NEGR1: variants seen among roughly 807,000 people sequenced by gnomAD.
NEGR1 encodes neuronal growth regulator 1.
Under a neutral mutation model 40.9 loss-of-function variants are expected in NEGR1, and 10 were observed. The observed-to-expected ratio is 0.24, with a 90% CI of 0.15 to 0.42. The LOEUF is 0.42. Among genes scored for constraint, NEGR1 ranks in the 10% least tolerant of loss-of-function variants. The pLI is 1.00. For missense variants in NEGR1, 352 were observed against 438.9 expected, an observed-to-expected ratio of 0.80 and a Z score of 1.77; for synonymous variants, 185 against 166.8, an observed-to-expected ratio of 1.11 and a Z score of -0.84.
At chr1:71,875,988 T>C (rs1391712559) in intron 2 of NEGR1, among the ~76,000 whole-genome samples, 1 of 152,128 alleles carries the variant, frequency 6.6e-6, no homozygotes, top group East Asian at 1.9e-4. Context: ...AAACGTTATT[T>C]TTCTTATTTA....
intron 1 of NEGR1, among the ~76,000 whole-genome samples, chr1:72,224,199 T>G (rs1654102135): frequency 7.7e-6 from 1 of 129,604 alleles, no homozygotes; most frequent in African/African-American, 2.5e-5. Flanking sequence ...ATTCAACATT[T>G]ACTGTCTAAG....
chr1:72,089,481 A>G (rs565106825), intron 1 of NEGR1, among the ~76,000 whole-genome samples: 5 of 152,306 alleles, frequency 3.3e-5, no homozygotes, highest in African/African-American at 9.6e-5. Flanking sequence ...CATAACTGTG[A>G]TTGATTAATT....
At chr1:72,252,653 C>T (rs541749485) in intron 1 of NEGR1, among the ~76,000 whole-genome samples, 15 of 151,968 alleles carry the variant, frequency 9.9e-5, no homozygotes, top group South Asian at 4.2e-4. Flanking sequence ...TATTTGTATG[C>T]GCACGTTTAC....
intron 1 of NEGR1, among the ~76,000 whole-genome samples, chr1:72,180,813 G>A (rs904967865): frequency 5.9e-5 from 9 of 152,064 alleles, no homozygotes; most frequent in Non-Finnish European, 1.5e-5. Context: ...AGAGCCCTAG[G>A]GTTTAAAACT....
At chr1:71,885,542 G>A (rs1360461377) in intron 2 of NEGR1, among the ~76,000 whole-genome samples, 1 of 152,126 alleles carries the variant, frequency 6.6e-6, no homozygotes, top group Non-Finnish European at 1.5e-5. Context: ...AATTAGCAAT[G>A]CAACTGTAAG....
intron 3 of NEGR1, among the ~76,000 whole-genome samples, chr1:71,760,563 T>C (rs1317126247): frequency 2.0e-5 from 3 of 152,224 alleles, no homozygotes; most frequent in Admixed American, 6.5e-5. Flanking sequence ...TTATCCATTA[T>C]GTAAAGCCAT....
intron 6 of NEGR1, among the ~76,000 whole-genome samples, chr1:71,579,413 G>C (rs991710642): frequency 1.3e-5 from 2 of 152,110 alleles, no homozygotes; most frequent in African/African-American, 4.8e-5. Flanking sequence ...TAGGCATATA[G>C]ATAATAAACT....
chr1:71,885,455 T>A (rs532178931), intron 2 of NEGR1, among the ~76,000 whole-genome samples: 1 of 152,344 alleles, frequency 6.6e-6, no homozygotes, highest in Non-Finnish European at 1.5e-5. Context: ...TTTGTTTGTT[T>A]GTTTGTTTTT....
chr1:72,156,477 A>G (rs1570053150), intron 1 of NEGR1, among the ~76,000 whole-genome samples: 1 of 152,222 alleles, frequency 6.6e-6, no homozygotes, highest in Non-Finnish European at 1.5e-5. Flanking sequence ...TTCACTGTTA[A>G]GCAAAATATT....
chr1:71,505,168 C>T (rs1647023856), intron 6 of NEGR1, among the ~76,000 whole-genome samples: 2 of 152,200 alleles, frequency 1.3e-5, no homozygotes, highest in Admixed American at 6.5e-5. Flanking sequence ...CATACGATAA[C>T]TCCGATTCTC....
intron 1 of NEGR1, among the ~76,000 whole-genome samples, chr1:72,143,446 G>T (rs1387772952): frequency 6.6e-6 from 1 of 151,770 alleles, no homozygotes; most frequent in South Asian, 2.1e-4. Flanking sequence ...TACATAAACT[G>T]ATGTCCTTTA....
At chr1:71,922,366 G>A (rs1322684773) in intron 2 of NEGR1, among the ~76,000 whole-genome samples, 2 of 152,262 alleles carry the variant, frequency 1.3e-5, no homozygotes, top group South Asian at 2.1e-4. Flanking sequence ...CTGGTGTGGG[G>A]GCAACATAGA....
At chr1:72,074,259 C>T (rs1647617441) in intron 1 of NEGR1, among the ~76,000 whole-genome samples, 1 of 152,032 alleles carries the variant, frequency 6.6e-6, no homozygotes, top group Admixed American at 6.6e-5. Flanking sequence ...GTTGATACTC[C>T]TAATATTCGT....
At chr1:72,170,957 A>T (rs1023788961) in intron 1 of NEGR1, among the ~76,000 whole-genome samples, 2 of 152,168 alleles carry the variant, frequency 1.3e-5, no homozygotes, top group African/African-American at 4.8e-5. Flanking sequence ...AATGCTTCTC[A>T]GTGCCCTCTT....
At chr1:71,828,385 G>T (rs757076513) in intron 2 of NEGR1, among the ~76,000 whole-genome samples, 1 of 151,914 alleles carries the variant, frequency 6.6e-6, no homozygotes, top group Non-Finnish European at 1.5e-5. Flanking sequence ...TTAAGGAAAA[G>T]GATATAATAA....
chr1:72,072,430 T>C (rs1406638890), intron 1 of NEGR1, among the ~76,000 whole-genome samples: 1 of 152,136 alleles, frequency 6.6e-6, no homozygotes, highest in Non-Finnish European at 1.5e-5. Flanking sequence ...GCTAATAAAA[T>C]AGTGTTCAAA....
At chr1:72,070,280 A>G (rs1359642495) in intron 1 of NEGR1, among the ~76,000 whole-genome samples, 5 of 152,114 alleles carry the variant, frequency 3.3e-5, no homozygotes, top group African/African-American at 9.6e-5. Flanking sequence ...ACTTTTTTAA[A>G]TTATAGCTTA....
chr1:71,471,537 T>A (rs1049499603), intron 6 of NEGR1, among the ~76,000 whole-genome samples: 2 of 151,866 alleles, frequency 1.3e-5, no homozygotes, highest in East Asian at 3.9e-4. Context: ...TCCCAGTTAC[T>A]CAGGAGGCTG....
chr1:71,925,115 C>T (rs1054615011), intron 2 of NEGR1, among the ~76,000 whole-genome samples: 2 of 152,146 alleles, frequency 1.3e-5, no homozygotes, highest in South Asian at 2.1e-4. Context: ...CTAGTCATCA[C>T]GCTCAAGAAG....
Sources: gnomAD v4.1 joint callset for allele counts (sites outside exome capture counted in the v4.1 genomes callset) on GRCh38, gnomAD v4.1.1 for gene constraint, MANE v1.5 for transcripts, NCBI Gene and HGNC (gene_info 2026-07-23, HGNC 2026-07-21) for gene names.